The following SGCZ variants were observed in gnomAD, a reference collection of about 807,000 sequenced individuals.
SGCZ encodes the protein zeta-sarcoglycan.
SGCZ carries 40 observed loss-of-function variants against 41.3 expected under a neutral mutation model. The observed-to-expected ratio is 0.97, with a 90% confidence interval of 0.75 to 1.26. SGCZ has a LOEUF of 1.26. Ranked by LOEUF, SGCZ falls within the 50% of genes most tolerant of loss-of-function variation. SGCZ has a pLI of 0.00. For missense variants in SGCZ, 552 were observed against 369.8 expected (o/e 1.49, Z -4.04); for synonymous variants, 206 against 137.5 (o/e 1.50, Z -3.49).
chr8:14,136,394 A>G (rs1034204520), intron 5 of SGCZ, among the ~76,000 whole-genome samples: 1 of 152,168 alleles, frequency 6.6e-6, no homozygotes, highest in Non-Finnish European at 1.5e-5. Context: ...TCCCTTTCCT[A>G]GCCAAGGGAA....
At chr8:15,102,717 G>C (rs1806661758) in intron 1 of SGCZ, among the ~76,000 whole-genome samples, 1 of 152,060 alleles carries the variant, frequency 6.6e-6, no homozygotes, top group Non-Finnish European at 1.5e-5. Flanking sequence ...ATTATAAAAT[G>C]TTTATATTGG....
At chr8:14,394,134 GC>G (rs142651514) in intron 2 of SGCZ, among the ~76,000 whole-genome samples, 1 of 128,782 alleles carries the variant, frequency 7.8e-6, no homozygotes, top group African/African-American at 3.3e-5. Context: ...CTGCCCTACC[GC>G]CCCCCACCTT....
At chr8:15,067,176 C>T (rs1488437056) in intron 1 of SGCZ, among the ~76,000 whole-genome samples, 1 of 151,848 alleles carries the variant, frequency 6.6e-6, no homozygotes, top group Non-Finnish European at 1.5e-5. Flanking sequence ...CATTTATTTC[C>T]ATATAGGATC....
Position 14,578,052 on chromosome 8 carries a change from C to T in SGCZ, c.40-23126G>A, listed in dbSNP as rs146143059. On this transcript the variant is annotated intron_variant, in intron 1 of 7. Transcript: ENST00000382080. ...ATGACGGACTTTCACAATCCTTGTG[C>T]ACCATTCCTTACTCATCATACTCCA... Among the ~76,000 whole-genome samples the T allele has an allele frequency of 3.4e-3, 522 of 152,274 alleles. 3 individuals carry two copies. Among genetic ancestry groups the T allele is most frequent in the African/African-American group, 0.012 (483 of 41,566 alleles).
At chr8:14,177,754 G>C (rs1001539901) in intron 4 of SGCZ, among the ~76,000 whole-genome samples, 2 of 140,506 alleles carry the variant, frequency 1.4e-5, no homozygotes, top group Non-Finnish European at 3.0e-5. Flanking sequence ...TCGATCTCCT[G>C]ACCTCGTGAT....
At chr8:14,265,679 C>A (rs1385647507) in intron 3 of SGCZ, among the ~76,000 whole-genome samples, 1 of 149,588 alleles carries the variant, frequency 6.7e-6, no homozygotes, top group Non-Finnish European at 1.5e-5. Context: ...TTTCCCTAAA[C>A]AGTAAAAAGG....
At chr8:14,728,015 G>A (rs1810114531) in intron 1 of SGCZ, among the ~76,000 whole-genome samples, 1 of 152,134 alleles carries the variant, frequency 6.6e-6, no homozygotes, top group African/African-American at 2.4e-5. Flanking sequence ...CCTACTTGAT[G>A]CGTCCATTTA....
In SGCZ at chr8:15,162,692, TATC is replaced by T. The variant is rs1464651903; in HGVS notation, c.39+74890_39+74892del. On this transcript the variant is annotated intron_variant, in intron 1 of 7. Coordinates refer to ENST00000382080, the MANE Select transcript of SGCZ (RefSeq NM_139167.4). The stretch of plus-strand genomic sequence containing the variant: ...CAAGTGGATTATATCCAGGACACCT[TATC>T]ATCATCTTCTGAACCTACCATGTCT... 2.0e-5 allele frequency among the ~76,000 whole-genome samples: 3 copies of T among 152,352 alleles called. No homozygotes were observed. The East Asian group carries it at 5.8e-4, about 29-fold the overall frequency.
At chr8:14,109,565 T>C (rs1484830492) in intron 5 of SGCZ, among the ~76,000 whole-genome samples, 1 of 152,154 alleles carries the variant, frequency 6.6e-6, no homozygotes, top group East Asian at 1.9e-4. Context: ...TAAAAATATG[T>C]ATTTGAAGCA....
chr8:14,858,449 G>A (rs972424457), intron 1 of SGCZ, among the ~76,000 whole-genome samples: 2 of 152,106 alleles, frequency 1.3e-5, no homozygotes, highest in African/African-American at 4.8e-5. Context: ...TTTCCTTGCA[G>A]TGTGTTGTTT....
At chr8:14,556,574 T>G (rs1023452866) in intron 1 of SGCZ, among the ~76,000 whole-genome samples, 1 of 152,006 alleles carries the variant, frequency 6.6e-6, no homozygotes, top group African/African-American at 2.4e-5. Flanking sequence ...TGTAGCCTTT[T>G]CTCGTTCACT....
intron 1 of SGCZ, among the ~76,000 whole-genome samples, chr8:14,646,402 A>G (rs1234584669): frequency 6.6e-6 from 1 of 151,912 alleles, no homozygotes; most frequent in Non-Finnish European, 1.5e-5. Context: ...TCATGGCTGC[A>G]TAGTATTCCA....
intron 1 of SGCZ, among the ~76,000 whole-genome samples, chr8:14,838,153 A>G (rs1180330121): frequency 2.0e-5 from 3 of 152,196 alleles, no homozygotes; most frequent in East Asian, 3.9e-4. Flanking sequence ...GATGGTTACC[A>G]GAAGCTAGGA....
chr8:14,554,073 A>G (rs1803956643), intron 2 of SGCZ, among the ~76,000 whole-genome samples: 1 of 152,098 alleles, frequency 6.6e-6, no homozygotes, highest in African/African-American at 2.4e-5. Flanking sequence ...TATTATAAAC[A>G]TTCAGTAAAC....
At chr8:14,653,503 G>C (rs1807467708) in intron 1 of SGCZ, among the ~76,000 whole-genome samples, 1 of 152,018 alleles carries the variant, frequency 6.6e-6, no homozygotes, top group African/African-American at 2.4e-5. Flanking sequence ...TTATTCAGTA[G>C]CGCTGCATTA....
chr8:15,181,840 A>G (rs1015115542), intron 1 of SGCZ, among the ~76,000 whole-genome samples: 3 of 152,326 alleles, frequency 2.0e-5, no homozygotes, highest in Non-Finnish European at 2.9e-5. Context: ...ATTTAGATTT[A>G]GAGGAAAAAA....
intron 1 of SGCZ, among the ~76,000 whole-genome samples, chr8:14,790,757 A>G (rs983608294): frequency 4.6e-5 from 7 of 152,156 alleles, no homozygotes; most frequent in African/African-American, 7.2e-5. Context: ...ACAGCCAGGA[A>G]CGTTGGCTAT....
At chr8:14,573,819 G>C (rs564762230) in intron 1 of SGCZ, among the ~76,000 whole-genome samples, 3 of 152,122 alleles carry the variant, frequency 2.0e-5, no homozygotes, top group Non-Finnish European at 4.4e-5. Context: ...GTTAGTGTTT[G>C]AGAAACACCA....
chr8:14,773,330 G>T (rs1053033919), intron 1 of SGCZ, among the ~76,000 whole-genome samples: 1 of 152,084 alleles, frequency 6.6e-6, no homozygotes, highest in African/African-American at 2.4e-5. Context: ...CCCTTCATAA[G>T]TTCTCAAATG....
Sources: allele counts gnomAD v4.1 joint callset (sites outside exome capture counted in the v4.1 genomes callset), GRCh38; gene constraint gnomAD v4.1.1; transcripts MANE v1.5; gene names NCBI Gene and HGNC (gene_info 2026-07-23, HGNC 2026-07-21).